TRAPPC8: variants seen among roughly 807,000 people sequenced by gnomAD.
The protein encoded by TRAPPC8 is trafficking protein particle complex subunit 8.
In TRAPPC8, 54 loss-of-function variants were observed where a neutral mutation model predicts 174.3. The observed-to-expected ratio is 0.31, with a 90% confidence interval of 0.25 to 0.39. TRAPPC8 has a LOEUF of 0.39. Ranked by LOEUF, TRAPPC8 falls within the 10% of genes least tolerant of loss-of-function variation. The probability of loss-of-function intolerance (pLI) is 1.00; values close to 1 mark genes in which losing one functional copy is unlikely to be tolerated. For missense variants in TRAPPC8, 1,531 were observed against 1,699.1 expected (o/e 0.90, Z 1.74); for synonymous variants, 630 against 579.9 (o/e 1.09, Z -1.24).
intron 26 of TRAPPC8, among the ~76,000 whole-genome samples, chr18:31,846,276 A>G (rs755551325): frequency 6.6e-5 from 10 of 152,170 alleles, no homozygotes; most frequent in Non-Finnish European, 1.0e-4. Context: ...AAATACCAAT[A>G]TAAAAACCTG....
chr18:31,861,942 G>T (rs373133606), intron 19 of TRAPPC8, among the ~76,000 whole-genome samples: 1 of 137,412 alleles, frequency 7.3e-6, no homozygotes, highest in Non-Finnish European at 1.6e-5. Flanking sequence ...AAAAAGGGGG[G>T]GGGGGGCGGT....
intron 27 of TRAPPC8, among the ~76,000 whole-genome samples, chr18:31,836,977 T>G (rs754309305): frequency 6.6e-6 from 1 of 152,016 alleles, no homozygotes; most frequent in Non-Finnish European, 1.5e-5. Flanking sequence ...TTAGCCAGGA[T>G]GGTCTTGATC....
At position 31,942,770 on chromosome 18, in the gene TRAPPC8, C is replaced by G; in HGVS notation, c.-6G>C. 7.0e-7 allele frequency: 1 copy of G among 1,434,848 alleles called. No homozygotes were observed. Among genetic ancestry groups the G allele is most frequent in the South Asian group, 1.5e-5 (1 of 68,602 alleles). 88.9% of individuals were successfully genotyped at this position (1,434,848 alleles called of 1,614,324 possible). A position where few individuals can be genotyped will look rare whatever the true frequency, so the allele number is the denominator to read the frequency against. ...GATTGTACACACTGGGCCATCGCCGCAGCACAGGCAGCGGCGGCGCCCGCC... is the reference window on the plus strand; with the variant it reads ...GATTGTACACACTGGGCCATCGCCGGAGCACAGGCAGCGGCGGCGCCCGCC... On this transcript the variant is annotated 5_prime_UTR_variant, in exon 1 of 29. Coordinates refer to ENST00000283351, the MANE Select transcript of TRAPPC8 (RefSeq NM_014939.5).
Position 31,855,753 on chromosome 18 carries a change from T to C in TRAPPC8, c.3243A>G (p.Val1081=). Residue 1081 remains valine, a synonymous_variant, in exon 21 of 29, where the codon GTA becomes GTG. Coordinates refer to ENST00000283351, the MANE Select transcript of TRAPPC8 (RefSeq NM_014939.5). The stretch of plus-strand genomic sequence containing the variant: ...AATTACTTCTGCAGACAGTGGCCCG[T>C]ACATTTAAAGACCGACTGGTACAAA... ...AIICTSRSLN[V]RATVCRSNSL... 3 of 1,610,216 alleles carry C rather than the reference T, an allele frequency of 1.9e-6. No homozygotes were observed. Among genetic ancestry groups the C allele is most frequent in the African/African-American group, 1.3e-5 (1 of 74,222 alleles).
At chr18:31,934,284 G>C (rs1159032289) in intron 1 of TRAPPC8, among the ~76,000 whole-genome samples, 1 of 151,834 alleles carries the variant, frequency 6.6e-6, no homozygotes, top group Admixed American at 6.6e-5. Context: ...ACTTCAACCT[G>C]GGAAGTCTGT....
chr18:31,879,841 A>G (rs896096073), intron 12 of TRAPPC8, among the ~76,000 whole-genome samples: 1 of 151,742 alleles, frequency 6.6e-6, no homozygotes, highest in African/African-American at 2.4e-5. Context: ...ATGAACCTCT[A>G]TGCACACAAA....
intron 12 of TRAPPC8, among the ~76,000 whole-genome samples, chr18:31,882,851 G>A (rs1161489369): frequency 1.4e-5 from 2 of 146,606 alleles, no homozygotes; most frequent in African/African-American, 5.0e-5. Context: ...TCCTGAACTC[G>A]TGGTCCACCC....
intron 11 of TRAPPC8, among the ~76,000 whole-genome samples, chr18:31,891,560 C>T (rs2035955716): frequency 6.6e-6 from 1 of 152,068 alleles, no homozygotes; most frequent in African/African-American, 2.4e-5. Context: ...ACGTCACTGC[C>T]CTTAAGACAA....
At chr18:31,887,317 T>A (rs1014666648) in intron 12 of TRAPPC8, among the ~76,000 whole-genome samples, 2 of 152,112 alleles carry the variant, frequency 1.3e-5, no homozygotes, top group South Asian at 4.1e-4. Context: ...TTAAAAACTC[T>A]CAATAAACTG....
chr18:31,941,948 G>C (rs1458787059), intron 1 of TRAPPC8, among the ~76,000 whole-genome samples: 3 of 152,158 alleles, frequency 2.0e-5, no homozygotes, highest in African/African-American at 7.2e-5. Flanking sequence ...TATAACTATA[G>C]ATAACTCCAA....
At chr18:31,926,363 T>C (rs977678387) in intron 2 of TRAPPC8, 7 of 152,136 alleles carry the variant, frequency 4.6e-5, no homozygotes, top group African/African-American at 1.4e-4. Context: ...GAAGGAGCCA[T>C]TGATAAATGG....
rs1465903576 is a variant in TRAPPC8 at position 31,908,790 on chromosome 18, T to C, written c.1086A>G (p.Pro362=). ...ATTGCCTAATTGTTTTCTCTATATGTGGCAAAAGGCCCCGAAATGTGAACT... is the reference window on the plus strand; with the variant it reads ...ATTGCCTAATTGTTTTCTCTATATGCGGCAAAAGGCCCCGAAATGTGAACT... ...IQEFTFRGLL[P]HIEKTIRQLN... The change falls in exon 7 of 29, where the codon CCA becomes CCG. Residue 362 remains proline (P), a synonymous_variant. Transcript: ENST00000283351. 2.5e-6 allele frequency: 4 copies of C among 1,611,270 alleles called. No individual in the cohort carries two copies. The highest frequency in any genetic ancestry group is 8.5e-7 in the Non-Finnish European group (1 of 1,178,188).
chr18:31,855,069 G>A (rs1555658692), intron 21 of TRAPPC8, among the ~76,000 whole-genome samples: 1 of 151,704 alleles, frequency 6.6e-6, no homozygotes, highest in Non-Finnish European at 1.5e-5. Flanking sequence ...AGGCATGGTG[G>A]CATGTGCCTG....
Position 31,857,989 on chromosome 18 carries a change from T to C in TRAPPC8, c.2746-7A>G. ...GAAAATGTATAAAGAACACCTGCAT[T>C]GGAGGGAAAAAATATTATTATTTGT... On this transcript the variant is annotated splice_region_variant and splice_polypyrimidine_tract_variant and intron_variant, in intron 19 of 28. Transcript: ENST00000283351. The C allele has an allele frequency of 6.4e-7, 1 of 1,569,814 alleles. No homozygotes were observed. Among genetic ancestry groups the C allele is most frequent in the Non-Finnish European group, 8.6e-7 (1 of 1,160,714 alleles).
Position 31,830,504 on chromosome 18 carries a change from G to A in TRAPPC8, c.*251C>T. Reference sequence around the variant, plus strand: ...TTCTTAAGATGGGGCTTAATAAGGTGCACAAATATGCTGATATCCTGTATT... The same window carrying A: ...TTCTTAAGATGGGGCTTAATAAGGTACACAAATATGCTGATATCCTGTATT... On this transcript the variant is annotated 3_prime_UTR_variant, in exon 29 of 29. Coordinates refer to ENST00000283351, the MANE Select transcript of TRAPPC8 (RefSeq NM_014939.5). 1 of 439,920 alleles carries A rather than the reference G, an allele frequency of 2.3e-6. No individual in the cohort carries two copies. The highest frequency in any genetic ancestry group is 4.1e-6 in the Non-Finnish European group (1 of 246,750). 27.3% of individuals were successfully genotyped at this position (439,920 alleles called of 1,614,324 possible).
intron 2 of TRAPPC8, among the ~76,000 whole-genome samples, chr18:31,929,491 C>T (rs1219228000): frequency 6.6e-6 from 1 of 152,128 alleles, no homozygotes; most frequent in East Asian, 1.9e-4. Flanking sequence ...TACACCACTA[C>T]ACTCCAGCCT....
Position 31,916,262 on chromosome 18 carries a change from A to T in TRAPPC8, c.617+10T>A. On this transcript the variant is annotated intron_variant, in intron 4 of 28. Coordinates refer to ENST00000283351, the MANE Select transcript of TRAPPC8 (RefSeq NM_014939.5). ...ACTGGAAAAAATTTAAAACTAAAAT[A>T]AAAACTTACCTCTGTTCATCTCCTG... 6.9e-7 allele frequency: 1 copy of T among 1,452,276 alleles called. No homozygotes were observed. The highest frequency in any genetic ancestry group is 9.1e-7 in the Non-Finnish European group (1 of 1,099,034). The allele number at this position is 1,452,276 out of a possible 1,614,324, so 90.0% of individuals were successfully genotyped here.
chr18:31,890,697 TA>T, intron 12 of TRAPPC8, 37 bp downstream of exon 12: 1 of 1,576,124 alleles, frequency 6.3e-7, no homozygotes, highest in Non-Finnish European at 8.6e-7. Context: ...ATTTATAAAA[TA>T]AATAGCAACT....
chr18:31,897,964 A>G, intron 10 of TRAPPC8, 73 bp from the exon 11 acceptor site: 3 of 1,307,142 alleles, frequency 2.3e-6, no homozygotes, highest in Non-Finnish European at 3.2e-6. Flanking sequence ...GTGTTCAGCA[A>G]AAGATTCCAA....
Sources: allele counts gnomAD v4.1 joint callset (sites outside exome capture counted in the v4.1 genomes callset), GRCh38; gene constraint gnomAD v4.1.1; transcripts MANE v1.5; gene names NCBI Gene and HGNC (gene_info 2026-07-23, HGNC 2026-07-21).